Variants in FAM210A observed in about 807,000 individuals in gnomAD.
FAM210A encodes mitochondrial inner membrane scaffold 1, also known as family with sequence similarity 210 member A.
Under a neutral mutation model 25.3 loss-of-function variants are expected in FAM210A, and 13 were observed. The ratio of observed to expected loss-of-function variants is 0.51; its 90% CI spans 0.33 to 0.82. FAM210A has a LOEUF of 0.82. FAM210A is among the 40% of genes least tolerant of loss of function. The pLI is 0.02. For missense variants in FAM210A, 319 were observed against 323.2 expected (o/e 0.99, Z 0.10); for synonymous variants, 125 against 118.7 (o/e 1.05, Z -0.35).
chr18:13,682,014 T>C lies in FAM210A; in HGVS notation c.64A>G (p.Asn22Asp). 1 of 1,613,992 alleles carries C rather than the reference T, an allele frequency of 6.2e-7. No homozygotes were observed. The highest frequency in any genetic ancestry group is 8.5e-7 in the Non-Finnish European group (1 of 1,179,944). Reference sequence around the variant, plus strand: ...TGACAGTGTCCAAAGAGACCAGCATTATGTGGTTCCAAGCATGTCCTGCGT... The same window carrying C: ...TGACAGTGTCCAAAGAGACCAGCATCATGTGGTTCCAAGCATGTCCTGCGT... ...LARRTCLEPH[N>D]AGLFGHCQNV... The change falls in exon 2 of 4, where the codon AAT (asparagine) becomes GAT (aspartate). Residue 22 changes from asparagine (N) to aspartate (D), a missense_variant. Physicochemically the swap from Asn to Asp is conservative, Grantham distance 23 (BLOSUM62 1). Coordinates refer to ENST00000651643, the MANE Select transcript of FAM210A (RefSeq NM_152352.4).
intron 1 of FAM210A, among the ~76,000 whole-genome samples, chr18:13,685,158 T>C (rs1056171810): frequency 4.6e-5 from 7 of 152,266 alleles, no homozygotes; most frequent in African/African-American, 1.7e-4. Context: ...CAGAGGGGTT[T>C]TATTTAACCC....
At chr18:13,725,310 A>G (rs2043931175) in intron 1 of FAM210A, among the ~76,000 whole-genome samples, 1 of 152,226 alleles carries the variant, frequency 6.6e-6, no homozygotes, top group South Asian at 2.1e-4. Flanking sequence ...AACAAATACA[A>G]GCAGTCATCA....
chr18:13,714,742 TACCATC>T (rs1321530535), intron 1 of FAM210A, among the ~76,000 whole-genome samples: 2 of 152,182 alleles, frequency 1.3e-5, no homozygotes, highest in Admixed American at 6.6e-5. Flanking sequence ...TTGCATTCTT[TACCATC>T]ACCTTATGCA....
At chr18:13,713,219 T>C (rs2043835075) in intron 1 of FAM210A, among the ~76,000 whole-genome samples, 1 of 152,244 alleles carries the variant, frequency 6.6e-6, no homozygotes, top group Non-Finnish European at 1.5e-5. Flanking sequence ...AAATTAACTT[T>C]TGCTGTTCTT....
chr18:13,670,782 G>A (rs746755238), intron 3 of FAM210A: 3 of 152,286 alleles, frequency 2.0e-5, no homozygotes, highest in Non-Finnish European at 4.4e-5. Flanking sequence ...ATCACCTGAG[G>A]TCAGAAGTTT....
chr18:13,704,734 A>T (rs966010223), intron 1 of FAM210A, among the ~76,000 whole-genome samples: 1 of 152,196 alleles, frequency 6.6e-6, no homozygotes, highest in African/African-American at 2.4e-5. Flanking sequence ...ATTTTAGTGA[A>T]TGTTAATATA....
At chr18:13,670,009 A>G (rs1023198077) in intron 3 of FAM210A, among the ~76,000 whole-genome samples, 6 of 152,332 alleles carry the variant, frequency 3.9e-5, no homozygotes, top group Admixed American at 3.9e-4. Context: ...GTGAGGGGGA[A>G]GAAACACCAC....
chr18:13,670,595 A>C (rs1261232620), intron 3 of FAM210A, among the ~76,000 whole-genome samples: 1 of 152,192 alleles, frequency 6.6e-6, no homozygotes, highest in African/African-American at 2.4e-5. Flanking sequence ...AGACCCTCAT[A>C]AATATTTGTC....
At chr18:13,721,510 T>C (rs116520959) in intron 1 of FAM210A, among the ~76,000 whole-genome samples, 2,165 of 152,276 alleles carry the variant, frequency 0.014, 49 homozygotes, top group African/African-American at 0.049. Context: ...ATCTCTGCAA[T>C]TCCTCCTGGA....
In FAM210A at chr18:13,666,646, C is replaced by A; in HGVS notation, c.653G>T (p.Ser218Ile). 6.2e-7 allele frequency: 1 copy of A among 1,614,218 alleles called. No homozygotes were observed. Among genetic ancestry groups the A allele is most frequent in the South Asian group, 1.1e-5 (1 of 91,084 alleles). The change falls in exon 4 of 4, where the codon AGT (serine) becomes ATT (isoleucine). Residue 218 changes from serine (S) to isoleucine (I), a missense_variant. Transcript: ENST00000651643. ...TGGCGGCGTGGACATGTAGCCATGACTGCGCAGATACTTCACAGTGACAGA... is the reference window on the plus strand; with the variant it reads ...TGGCGGCGTGGACATGTAGCCATGAATGCGCAGATACTTCACAGTGACAGA... ...GTSVTVKYLR[S>I]HGYMSTPPPV... is the part of the protein sequence containing the mutation.
chr18:13,704,754 A>G (rs2043765418), intron 1 of FAM210A, among the ~76,000 whole-genome samples: 1 of 152,162 alleles, frequency 6.6e-6, no homozygotes, highest in Admixed American at 6.5e-5. Flanking sequence ...ATATTCCAAA[A>G]TTGTATTGGA....
intron 1 of FAM210A, among the ~76,000 whole-genome samples, chr18:13,708,235 G>T (rs2043795023): frequency 1.3e-5 from 2 of 152,340 alleles, no homozygotes; most frequent in African/African-American, 2.4e-5. Context: ...TATTGCAGAG[G>T]ATACAGATGA....
In FAM210A at chr18:13,724,558, A is replaced by G. The variant is rs1166136480; in HGVS notation, c.-29+1771T>C. On this transcript the variant is annotated intron_variant, in intron 1 of 3. Coordinates refer to ENST00000651643, the MANE Select transcript of FAM210A (RefSeq NM_152352.4). ...GAGATTACTCAGGCAATAATGAGGGAAAAATAACACCAATGGTAACTTTAA... is the reference window on the plus strand; with the variant it reads ...GAGATTACTCAGGCAATAATGAGGGGAAAATAACACCAATGGTAACTTTAA... 7.2e-5 allele frequency among the ~76,000 whole-genome samples: 11 copies of G among 152,336 alleles called. No individual in the cohort carries two copies. The East Asian group carries it at 1.3e-3, about 19-fold the overall frequency.
In FAM210A at chr18:13,665,590, A is replaced by C. The variant is rs948276; in HGVS notation, c.*890T>G. 0.92 allele frequency: 139,795 copies of C among 151,666 alleles called. 64,474 individuals carry two copies. The highest frequency in any genetic ancestry group is 0.97 in the East Asian group (5,001 of 5,130). The allele number at this position is 151,666 out of a possible 1,614,324, so 9.4% of individuals were successfully genotyped here. On this transcript the variant is annotated 3_prime_UTR_variant, in exon 4 of 4. Transcript: ENST00000651643. ...CCCAAGGAGTTAGCAGTCTCCATGA[A>C]AACCTGACTCCATTTTTAGTCTCCC... is the stretch of plus-strand genomic sequence containing the variant.
chr18:13,723,666 C>T lies in FAM210A; in HGVS notation c.-29+2663G>A, dbSNP rs150922383. Among the ~76,000 whole-genome samples the T allele has an allele frequency of 7.2e-5, 11 of 152,294 alleles. No homozygotes were observed. In the East Asian group the frequency reaches 1.3e-3, roughly 19 times the overall value. Reference sequence around the variant, plus strand: ...GTCAACTGATTATAGATGTTAACCACGTCTTCAGAATACCATCATAGCATC... The same window carrying T: ...GTCAACTGATTATAGATGTTAACCATGTCTTCAGAATACCATCATAGCATC... On this transcript the variant is annotated intron_variant, in intron 1 of 3. Transcript: ENST00000651643.
At chr18:13,716,651 CA>C (rs749544022) in intron 1 of FAM210A, among the ~76,000 whole-genome samples, 2 of 152,114 alleles carry the variant, frequency 1.3e-5, no homozygotes, top group African/African-American at 2.4e-5. Flanking sequence ...GTAATTGGAT[CA>C]GGGGGCAGTT....
chr18:13,664,772 C>T lies in FAM210A; in HGVS notation c.*1708G>A, dbSNP rs1386108455. ...AACTTTTTTTCCCCTTTAAACTATA[C>T]TCTAAATTTGGCCAAACTAAGTACT... On this transcript the variant is annotated 3_prime_UTR_variant, in exon 4 of 4. Transcript: ENST00000651643. The T allele has an allele frequency of 1.3e-5, 2 of 152,286 alleles. No homozygotes were observed. The highest frequency in any genetic ancestry group is 4.8e-5 in the African/African-American group (2 of 41,562). The allele number at this position is 152,286 out of a possible 1,614,324, so 9.4% of individuals were successfully genotyped here.
At chr18:13,695,563 AG>A (rs1356981338) in intron 1 of FAM210A, among the ~76,000 whole-genome samples, 2 of 152,216 alleles carry the variant, frequency 1.3e-5, no homozygotes, top group Non-Finnish European at 1.5e-5. Flanking sequence ...CGTCCTTTGT[AG>A]GGACATGGAT....
intron 1 of FAM210A, among the ~76,000 whole-genome samples, chr18:13,692,464 C>A (rs1189559204): frequency 6.6e-6 from 1 of 152,178 alleles, no homozygotes; most frequent in African/African-American, 2.4e-5. Flanking sequence ...CTTCTCAGCA[C>A]CACATCACAC....
Sources: allele counts gnomAD v4.1 joint callset (sites outside exome capture counted in the v4.1 genomes callset), GRCh38; gene constraint gnomAD v4.1.1; transcripts MANE v1.5; gene names NCBI Gene and HGNC (gene_info 2026-07-23, HGNC 2026-07-21).